COL5A2: variants seen among roughly 807,000 people sequenced by gnomAD.
COL5A2 encodes collagen type V alpha 2 chain, also known as collagen alpha-2(V) chain.
In COL5A2, 23 loss-of-function variants were observed where a neutral mutation model predicts 208.2. That is an observed-to-expected ratio of 0.11 (90% CI 0.08 to 0.16). COL5A2 has a LOEUF of 0.16. COL5A2 is among the 10% of genes least tolerant of loss of function. COL5A2 has a pLI of 1.00. For missense variants in COL5A2, 1,590 were observed against 1,956.4 expected (o/e 0.81, Z 3.53); for synonymous variants, 625 against 628.5 (o/e 0.99, Z 0.08).
At chr2:189,413,537 C>T in the COL5A2 span, among the ~76,000 whole-genome samples, 1 of 152,144 alleles carries the variant, frequency 6.6e-6, no homozygotes, top group South Asian at 2.1e-4. Flanking sequence ...GTGTGCATTG[C>T]AGGGAAGAAG....
chr2:189,034,253 C>A, intron 53 of COL5A2, 37 bp from the exon 54 acceptor site: 1 of 1,612,272 alleles, frequency 6.2e-7, no homozygotes, highest in Middle Eastern at 1.7e-4. Context: ...AATGTACATA[C>A]AATTTTTTCC....
chr2:189,359,913 G>A, the COL5A2 span, among the ~76,000 whole-genome samples: 3 of 151,958 alleles, frequency 2.0e-5, no homozygotes, highest in East Asian at 1.9e-4. Context: ...CAGTTGTAAC[G>A]TCTTCTTTTT....
chr2:189,210,375 TGA>T (rs1689196566), intron 1 of COL5A2, among the ~76,000 whole-genome samples: 1 of 150,298 alleles, frequency 6.7e-6, no homozygotes, highest in Non-Finnish European at 1.5e-5. Flanking sequence ...CCGAGGAGAA[TGA>T]GTCATATTTT....
the COL5A2 span, among the ~76,000 whole-genome samples, chr2:189,243,257 T>C: frequency 0.016 from 2,369 of 152,046 alleles, 56 homozygotes; most frequent in African/African-American, 0.054. Flanking sequence ...AGAAGGTGAT[T>C]ATCATTTTTA....
intron 10 of COL5A2, 74 bp from the exon 11 acceptor site, chr2:189,085,287 A>T: frequency 8.7e-7 from 1 of 1,146,926 alleles, no homozygotes; most frequent in Non-Finnish European, 1.3e-6. Flanking sequence ...TCAAAACATT[A>T]TTGAGACAAA....
chr2:189,098,046 G>A (rs1686958832), intron 5 of COL5A2, among the ~76,000 whole-genome samples: 2 of 145,538 alleles, frequency 1.4e-5, no homozygotes, highest in Admixed American at 1.4e-4. Flanking sequence ...CCCCCCCTGG[G>A]AAATGGCTGT....
chr2:189,345,620 T>C, the COL5A2 span, among the ~76,000 whole-genome samples: 1 of 152,146 alleles, frequency 6.6e-6, no homozygotes, highest in Non-Finnish European at 1.5e-5. Context: ...GAAGGACTGA[T>C]CAAACAGTAT....
the COL5A2 span, among the ~76,000 whole-genome samples, chr2:189,341,825 TTAA>T: frequency 3.3e-5 from 5 of 152,156 alleles, no homozygotes; most frequent in African/African-American, 9.6e-5. Context: ...TCACTTGATT[TTAA>T]TAATGTTACT....
intron 16 of COL5A2, 84 bp from the exon 17 acceptor site, chr2:189,075,521 A>G: frequency 9.6e-7 from 1 of 1,046,290 alleles, no homozygotes; most frequent in Non-Finnish European, 1.5e-6. Flanking sequence ...AAAAATTTCC[A>G]TATTGCAAAT....
chr2:189,157,251 G>C (rs976069798), intron 1 of COL5A2, among the ~76,000 whole-genome samples: 1 of 151,474 alleles, frequency 6.6e-6, no homozygotes, highest in African/African-American at 2.4e-5. Flanking sequence ...CATTAAAAAT[G>C]AAAGTTGTAT....
In COL5A2 at chr2:189,034,132, C is replaced by T; in HGVS notation, c.4438G>A (p.Val1480Met). Residue 1480 changes from valine to methionine, a missense_variant, in exon 54 of 54, where the codon GTG becomes ATG. Physicochemically the swap from Val to Met is conservative, Grantham distance 21 (BLOSUM62 1). Transcript: ENST00000374866. ...ARLPIIDLAP[V>M]DVGGTDQEFG... ...TCCTGGTCTGTGCCGCCAACATCCA[C>T]AGGAGCAAGATCTATGATGGGCAAG... 2 of 1,614,030 alleles carry T rather than the reference C, an allele frequency of 1.2e-6. No individual in the cohort carries two copies. The highest frequency in any genetic ancestry group is 8.5e-7 in the Non-Finnish European group (1 of 1,179,948).
At chr2:189,270,456 T>A in the COL5A2 span, among the ~76,000 whole-genome samples, 1 of 152,184 alleles carries the variant, frequency 6.6e-6, no homozygotes, top group Non-Finnish European at 1.5e-5. Context: ...AAAGAACGTA[T>A]TCGTTTCTGC....
chr2:189,230,820 T>A, the COL5A2 span, among the ~76,000 whole-genome samples: 6 of 151,892 alleles, frequency 4.0e-5, no homozygotes, highest in Non-Finnish European at 8.8e-5. Flanking sequence ...TACCATATGA[T>A]CCAGTCAGTT....
the COL5A2 span, among the ~76,000 whole-genome samples, chr2:189,427,311 G>T: frequency 6.6e-6 from 1 of 152,230 alleles, no homozygotes; most frequent in Non-Finnish European, 1.5e-5. Flanking sequence ...AAACCTGTAG[G>T]TGCACAGAGT....
chr2:189,099,407 T>C (rs532090732), intron 4 of COL5A2, among the ~76,000 whole-genome samples: 2 of 152,150 alleles, frequency 1.3e-5, no homozygotes, highest in Admixed American at 1.3e-4. Context: ...GGTGGATCAC[T>C]TGAGGTCAGG....
At chr2:189,239,272 C>T in the COL5A2 span, among the ~76,000 whole-genome samples, 2 of 151,864 alleles carry the variant, frequency 1.3e-5, no homozygotes, top group African/African-American at 4.8e-5. Context: ...GAATAATGGC[C>T]TCACAAAATG....
chr2:189,104,188 C>G, intron 3 of COL5A2, 76 bp downstream of exon 3: 1 of 1,076,882 alleles, frequency 9.3e-7, no homozygotes, highest in Admixed American at 1.7e-5. Flanking sequence ...TCAAACGTTT[C>G]AGAGCACAGT....
At chr2:189,255,380 T>C in the COL5A2 span, among the ~76,000 whole-genome samples, 4 of 152,334 alleles carry the variant, frequency 2.6e-5, no homozygotes, top group African/African-American at 9.6e-5. Context: ...TAATGCCATC[T>C]GTACTTCTGC....
the COL5A2 span, among the ~76,000 whole-genome samples, chr2:189,282,138 A>G: frequency 9.2e-5 from 14 of 152,176 alleles, no homozygotes; most frequent in Admixed American, 9.2e-4. Context: ...GTGAACCAAG[A>G]TCACGCCACT....
Sources: allele counts gnomAD v4.1 joint callset (sites outside exome capture counted in the v4.1 genomes callset), GRCh38; gene constraint gnomAD v4.1.1; transcripts MANE v1.5; gene names NCBI Gene and HGNC (gene_info 2026-07-23, HGNC 2026-07-21).